Variants in OTOF observed in about 807,000 individuals in gnomAD.
OTOF encodes otoferlin.
OTOF carries 218 observed loss-of-function variants against 236.8 expected under a neutral mutation model. The observed-to-expected ratio is 0.92, with a 90% CI of 0.82 to 1.03. OTOF has a LOEUF of 1.03. OTOF is among the 50% of genes least tolerant of loss of function. The pLI, the probability that OTOF is intolerant of heterozygous loss-of-function variation, is 0.00. For missense variants in OTOF, 2,590 were observed against 2,694.4 expected (o/e 0.96, Z 0.86); for synonymous variants, 1,041 against 1,072.5 (o/e 0.97, Z 0.57).
intron 5 of OTOF, among the ~76,000 whole-genome samples, chr2:26,504,297 G>T (rs1420567501): frequency 6.6e-6 from 1 of 152,166 alleles, no homozygotes; most frequent in Admixed American, 6.5e-5. Context: ...CAGAGCATCA[G>T]AACGGCGGGG....
chr2:26,528,118 C>G (rs1666855726), intron 2 of OTOF, among the ~76,000 whole-genome samples, 198 bp from the exon 3 acceptor site: 1 of 152,132 alleles, frequency 6.6e-6, no homozygotes, highest in African/African-American at 2.4e-5. Flanking sequence ...GGCATTGTTG[C>G]CCACTCCTCT....
At chr2:26,472,698 AAC>A in intron 29 of OTOF, 49 bp from the exon 30 acceptor site, 2 of 1,602,502 alleles carry the variant, frequency 1.2e-6, no homozygotes, top group African/African-American at 2.7e-5. Context: ...GAGCAAGAGG[AAC>A]AGTGAGATTG....
Position 26,505,659 on chromosome 2 carries a change from A to T in OTOF, c.510-1814T>A, listed in dbSNP as rs76772986. Reference sequence around the variant, plus strand: ...TGGCAGAACTGGGATTGAAGCAGAAAGCTCCTGTGTTCTAGGCCAGCAATA... The same window carrying T: ...TGGCAGAACTGGGATTGAAGCAGAATGCTCCTGTGTTCTAGGCCAGCAATA... On this transcript the variant is annotated intron_variant, in intron 5 of 46. Coordinates refer to ENST00000272371, the MANE Select transcript of OTOF (RefSeq NM_194248.3). Among the ~76,000 whole-genome samples, 549 of 152,328 alleles carry T rather than the reference A, an allele frequency of 3.6e-3. 4 individuals carry two copies. Among genetic ancestry groups the T allele is most frequent in the African/African-American group, 0.012 (517 of 41,578 alleles).
chr2:26,511,287 A>T (rs1666383086), intron 5 of OTOF, among the ~76,000 whole-genome samples: 1 of 152,098 alleles, frequency 6.6e-6, no homozygotes, highest in Non-Finnish European at 1.5e-5. Context: ...TATGGAGTGC[A>T]CACGGGTGGT....
intron 14 of OTOF, among the ~76,000 whole-genome samples, 193 bp from the exon 15 acceptor site, chr2:26,481,202 C>T (rs940700022): frequency 6.6e-6 from 1 of 152,044 alleles, no homozygotes; most frequent in African/African-American, 2.4e-5. Flanking sequence ...TATTTCTTCC[C>T]TGCGGGGGCC....
Position 26,470,988 on chromosome 2 carries a change from A to G in OTOF, c.3894+133T>C. 3 of 1,224,614 alleles carry G rather than the reference A, an allele frequency of 2.4e-6. No homozygotes were observed. The highest frequency in any genetic ancestry group is 3.6e-6 in the Non-Finnish European group (3 of 831,678). The allele number at this position is 1,224,614 out of a possible 1,614,324, so 75.9% of individuals were successfully genotyped here. On this transcript the variant is annotated intron_variant, in intron 31 of 46. Transcript: ENST00000272371. The surrounding 1 kb of genome is among the most constrained non-coding windows in gnomAD (Gnocchi z 4.3). ...ACCCAGCTCTTTTCCACTGCATCTTAGGGGAGGTGTGCTGGCCCAAGCATG... is the reference window on the plus strand; with the variant it reads ...ACCCAGCTCTTTTCCACTGCATCTTGGGGGAGGTGTGCTGGCCCAAGCATG...
intron 3 of OTOF, among the ~76,000 whole-genome samples, chr2:26,524,059 G>A (rs1234618466): frequency 6.6e-6 from 1 of 152,254 alleles, no homozygotes. Flanking sequence ...CATTCTCTAG[G>A]CTTCCAAAGA....
chr2:26,481,736 C>T (rs575971498), intron 14 of OTOF, among the ~76,000 whole-genome samples: 1 of 152,226 alleles, frequency 6.6e-6, no homozygotes, highest in South Asian at 2.1e-4. Flanking sequence ...AACTCTGCAC[C>T]TATTTAGCAG....
At chr2:26,537,202 C>G (rs1167943754) in intron 2 of OTOF, among the ~76,000 whole-genome samples, 1 of 152,188 alleles carries the variant, frequency 6.6e-6, no homozygotes, top group Non-Finnish European at 1.5e-5. Context: ...TATGCTTCCC[C>G]TCAAGGTCTG....
rs896106890 is a variant in OTOF at position 26,461,559 on chromosome 2, G to A, written c.5533+137C>T. The A allele has an allele frequency of 1.1e-5, 13 of 1,231,126 alleles. No homozygotes were observed. The African/African-American group carries it at 1.3e-4, about 13-fold the overall frequency. 76.3% of individuals were successfully genotyped at this position (1,231,126 alleles called of 1,614,324 possible). A position where few individuals can be genotyped will look rare whatever the true frequency, so the allele number is the denominator to read the frequency against. ...GGTCCTTGGGGGCGGAACCCCGTCG[G>A]ACACCCCTGGCTCTGATGGACTGGA... On this transcript the variant is annotated intron_variant, in intron 43 of 46. Transcript: ENST00000272371. The surrounding 1 kb of genome is among the most constrained non-coding windows in gnomAD (Gnocchi z 6.2).
At position 26,473,055 on chromosome 2, in the gene OTOF, T is replaced by C; in HGVS notation, c.3733+77A>G. 1 of 1,473,754 alleles carries C rather than the reference T, an allele frequency of 6.8e-7. No individual in the cohort carries two copies. Among genetic ancestry groups the C allele is most frequent in the South Asian group, 1.2e-5 (1 of 84,936 alleles). The allele number at this position is 1,473,754 out of a possible 1,614,324, so 91.3% of individuals were successfully genotyped here. A position where few individuals can be genotyped will look rare whatever the true frequency, so the allele number is the denominator to read the frequency against. ...CAAAGAGCAAACTCTGGTCGCGGCT[T>C]GGACTGGGCGGAGACCTGGAGCCCT... On this transcript the variant is annotated intron_variant, in intron 29 of 46. Coordinates refer to ENST00000272371, the MANE Select transcript of OTOF (RefSeq NM_194248.3). The surrounding 1 kb of genome is among the most constrained non-coding windows in gnomAD (Gnocchi z 7.2).
At chr2:26,486,206 G>T (rs1572442251) in intron 11 of OTOF, among the ~76,000 whole-genome samples, 2 of 145,814 alleles carry the variant, frequency 1.4e-5, no homozygotes, top group African/African-American at 5.0e-5. Flanking sequence ...GGATGGGTGG[G>T]TAGGTGGATG....
Position 26,460,826 on chromosome 2 carries a change from C to T in OTOF, c.5712+26G>A. 6.2e-7 allele frequency: 1 copy of T among 1,614,060 alleles called. No individual in the cohort carries two copies. Among genetic ancestry groups the T allele is most frequent in the African/African-American group, 1.3e-5 (1 of 75,038 alleles). On this transcript the variant is annotated intron_variant, in intron 44 of 46. Coordinates refer to ENST00000272371, the MANE Select transcript of OTOF (RefSeq NM_194248.3). This position sits in a 1 kb window ranked among gnomAD's most constrained non-coding sequence, Gnocchi z 5.3. ...CCCCAGCCAGTCCCAGCCCTGCCTA[C>T]TGCCCGAGCAGGAAGGGGTGCGCAC...
At chr2:26,557,348 G>A (rs1194703835) in intron 1 of OTOF, among the ~76,000 whole-genome samples, 1 of 152,170 alleles carries the variant, frequency 6.6e-6, no homozygotes, top group Admixed American at 6.5e-5. Flanking sequence ...TCGGGAGAAG[G>A]GGCCATGTCT....
intron 1 of OTOF, among the ~76,000 whole-genome samples, chr2:26,550,475 G>C (rs1471141645): frequency 1.3e-5 from 2 of 152,062 alleles, no homozygotes; most frequent in Admixed American, 6.5e-5. Context: ...TGCTGGGAAA[G>C]CAGCCAAGGG....
At chr2:26,556,489 G>T (rs962074989) in intron 1 of OTOF, among the ~76,000 whole-genome samples, 1 of 152,100 alleles carries the variant, frequency 6.6e-6, no homozygotes, top group Admixed American at 6.5e-5. Flanking sequence ...TCTGCCCATG[G>T]CCACCTCCTG....
At chr2:26,479,240 G>A in intron 18 of OTOF, 24 bp downstream of exon 18, 1 of 1,611,678 alleles carries the variant, frequency 6.2e-7, no homozygotes. Flanking sequence ...CCCCACCCCT[G>A]CTGGCCCCTG....
intron 2 of OTOF, among the ~76,000 whole-genome samples, chr2:26,529,874 G>A (rs1019731134): frequency 8.9e-5 from 6 of 67,384 alleles, no homozygotes; most frequent in Non-Finnish European, 2.8e-4. Flanking sequence ...GGAGGGGTGC[G>A]CTGAGAGTCC....
chr2:26,538,485 C>G (rs541823783), intron 1 of OTOF, among the ~76,000 whole-genome samples: 1 of 152,368 alleles, frequency 6.6e-6, no homozygotes, highest in African/African-American at 2.4e-5. Context: ...CAGGCTCCCC[C>G]ATCCATACGC....
Sources: gnomAD v4.1 joint callset for allele counts (sites outside exome capture counted in the v4.1 genomes callset) on GRCh38, gnomAD v4.1.1 for gene constraint, Gnocchi (gnomAD v3.1) non-coding constraint, MANE v1.5 for transcripts, NCBI Gene and HGNC (gene_info 2026-07-23, HGNC 2026-07-21) for gene names.